NPAT: variants seen among roughly 807,000 people sequenced by gnomAD.
NPAT encodes the protein protein NPAT.
A neutral mutation model predicts 130.7 loss-of-function variants in NPAT; 52 were observed. That is an observed-to-expected ratio of 0.40 (90% CI 0.32 to 0.50). The LOEUF is 0.50. Ranked by LOEUF, NPAT falls within the 20% of genes least tolerant of loss-of-function variation. The pLI, the probability that NPAT is intolerant of heterozygous loss-of-function variation, is 0.68. For missense variants in NPAT, 1,687 were observed against 1,662.6 expected (o/e 1.01, Z -0.26); for synonymous variants, 580 against 584.8 (o/e 0.99, Z 0.12).
At chr11:108,160,739 T>C in intron 17 of NPAT, 141 bp downstream of exon 17, 2 of 735,528 alleles carry the variant, frequency 2.7e-6, no homozygotes, top group South Asian at 1.7e-5. Flanking sequence ...GTGATCATGG[T>C]TATGTATTTT....
intron 11 of NPAT, among the ~76,000 whole-genome samples, chr11:108,176,748 A>G (rs1164596474): frequency 6.6e-6 from 1 of 152,194 alleles, no homozygotes; most frequent in Non-Finnish European, 1.5e-5. Flanking sequence ...ACATCAACAC[A>G]TTCCCTGATG....
Position 108,161,753 on chromosome 11 carries a change from A to T in NPAT, c.3333T>A (p.Ser1111=). ...PNVSSTLKPP[S]NNAIKREKEK... is the part of the protein sequence containing the mutation. ...CTTTCTCTCTTTTGATAGCATTATT[A>T]GAAGGGGGTTTTAAGGTGGAGGACA... Residue 1111 remains serine, a synonymous_variant, in exon 17 of 18, where the codon TCT becomes TCA. Coordinates refer to ENST00000278612, the MANE Select transcript of NPAT (RefSeq NM_002519.3). 2 of 1,613,818 alleles carry T rather than the reference A, an allele frequency of 1.2e-6. No individual in the cohort carries two copies. The highest frequency in any genetic ancestry group is 1.7e-6 in the Non-Finnish European group (2 of 1,180,032).
At chr11:108,220,890 C>A (rs2078481168) in intron 1 of NPAT, among the ~76,000 whole-genome samples, 1 of 152,032 alleles carries the variant, frequency 6.6e-6, no homozygotes, top group Admixed American at 6.6e-5. Flanking sequence ...TGACAGAAGT[C>A]CAAAAGAGAA....
rs181107926 is a variant in NPAT, at chr11:108,212,306, T to C, written c.37+10194A>G. 5.7e-4 allele frequency among the ~76,000 whole-genome samples: 86 copies of C among 151,554 alleles called. 1 individual carries two copies. The East Asian group carries it at 0.014, about 25-fold the overall frequency. ...TTGGGAGGCCGAGCTGGGCGGATCATTTGAGGTCAGGAGTTCCAGACCAGC... is the reference window on the plus strand; with the variant it reads ...TTGGGAGGCCGAGCTGGGCGGATCACTTGAGGTCAGGAGTTCCAGACCAGC... On this transcript the variant is annotated intron_variant, in intron 1 of 17. Transcript: ENST00000278612.
intron 12 of NPAT, among the ~76,000 whole-genome samples, chr11:108,174,707 C>T (rs186342447): frequency 6.3e-4 from 96 of 151,552 alleles, no homozygotes; most frequent in Non-Finnish European, 8.7e-4. Context: ...CTCTGCCTCC[C>T]GGGTTCATGT....
intron 3 of NPAT, among the ~76,000 whole-genome samples, chr11:108,193,670 A>G (rs993703818): frequency 2.0e-5 from 3 of 152,164 alleles, no homozygotes; most frequent in African/African-American, 7.2e-5. Context: ...GGTTGCAGTG[A>G]GCTGAGATTA....
intron 1 of NPAT, among the ~76,000 whole-genome samples, chr11:108,219,139 C>T (rs1344844619): frequency 2.0e-5 from 3 of 152,134 alleles, no homozygotes; most frequent in East Asian, 1.9e-4. Context: ...GCTCTTCTGT[C>T]GGCCTGCTAC....
intron 1 of NPAT, chr11:108,208,694 A>T: frequency 3.6e-6 from 1 of 275,524 alleles, no homozygotes; most frequent in Non-Finnish European, 7.2e-6. Flanking sequence ...AGAAACAGAT[A>T]ATTCAACAAT....
Position 108,173,100 on chromosome 11 carries a change from C to A in NPAT, c.1884G>T (p.Ser628=). ...TAGATGGTTGTTTAGTAGAAGACAG[C>A]GAATCTCCAAGATGAATTTCTACTT... ...SGQVEIHLGD[S]LSSTKQPSND... The change falls in exon 13 of 18, where the codon TCG becomes TCT. Residue 628 remains serine (S), a synonymous_variant. Coordinates refer to ENST00000278612, the MANE Select transcript of NPAT (RefSeq NM_002519.3). 6.2e-7 allele frequency: 1 copy of A among 1,613,946 alleles called. No individual in the cohort carries two copies. The highest frequency in any genetic ancestry group is 8.5e-7 in the Non-Finnish European group (1 of 1,179,962).
At chr11:108,186,418 G>C in intron 8 of NPAT, 64 bp downstream of exon 8, 1 of 1,172,754 alleles carries the variant, frequency 8.5e-7, no homozygotes. Context: ...ATACATTTGT[G>C]TATATATCTG....
intron 13 of NPAT, among the ~76,000 whole-genome samples, chr11:108,170,805 G>C (rs1483021879): frequency 6.6e-6 from 1 of 152,074 alleles, no homozygotes; most frequent in Non-Finnish European, 1.5e-5. Flanking sequence ...CATTCTTTAA[G>C]CTTTAGCTCA....
rs182764040 is a variant in NPAT at position 108,158,134 on chromosome 11, T to C, written c.*808A>G. 3.3e-5 allele frequency: 5 copies of C among 152,636 alleles called. No homozygotes were observed. In the East Asian group the frequency reaches 9.6e-4, roughly 29 times the overall value. 9.5% of individuals were successfully genotyped at this position (152,636 alleles called of 1,614,324 possible). On this transcript the variant is annotated 3_prime_UTR_variant, in exon 18 of 18. Coordinates refer to ENST00000278612, the MANE Select transcript of NPAT (RefSeq NM_002519.3). ...AGTTCTATGAATTAGTGCAATTCTT[T>C]AAATCCCCAGCATTTAGGGGAAAAG...
chr11:108,173,805 A>C lies in NPAT; in HGVS notation c.1179T>G (p.Asp393Glu), dbSNP rs2077979278. 1 of 1,614,068 alleles carries C rather than the reference A, an allele frequency of 6.2e-7. No individual in the cohort carries two copies. The highest frequency in any genetic ancestry group is 1.1e-5 in the South Asian group (1 of 91,090). The change falls in exon 13 of 18, where the codon GAT (aspartate) becomes GAG (glutamate). Residue 393 changes from aspartate to glutamate, a missense_variant. Around this residue, in one of 3 missense-constraint regions of NPAT, gnomAD observed 1,379 missense variants for 1,346.6 expected, o/e 1.02. Transcript: ENST00000278612. ...QPAFCTSYQN[D>E]DPLNALKNSN... The stretch of plus-strand genomic sequence containing the variant: ...TATTCTTCAAAGCATTTAATGGGTC[A>C]TCATTCTGATAGGATGTACAAAAAG...
rs372481541 is a variant in NPAT at position 108,161,012 on chromosome 11, C to T, written c.4074G>A (p.Gln1358=). 67 of 1,614,122 alleles carry T rather than the reference C, an allele frequency of 4.2e-5. No individual in the cohort carries two copies. The African/African-American group carries it at 7.5e-4, about 18-fold the overall frequency. The change falls in exon 17 of 18, where the codon CAG becomes CAA. Residue 1358 remains glutamine (Q), a synonymous_variant. Coordinates refer to ENST00000278612, the MANE Select transcript of NPAT (RefSeq NM_002519.3). ...TGGTGCTCCTTGAAGATGCTCTAAA[C>T]TGTTGTGTGTTATCTTTCAGAGGAG... ...SATPLKDNTQ[Q]FRASSRSTTK... is the part of the protein sequence containing the mutation.
intron 10 of NPAT, among the ~76,000 whole-genome samples, chr11:108,179,030 T>C (rs1443750720): frequency 6.6e-6 from 1 of 152,154 alleles, no homozygotes; most frequent in Non-Finnish European, 1.5e-5. Flanking sequence ...GGCAAACATG[T>C]AGACCAATAA....
chr11:108,218,771 T>A lies in NPAT; in HGVS notation c.37+3729A>T, dbSNP rs561180197. On this transcript the variant is annotated intron_variant, in intron 1 of 17. Transcript: ENST00000278612. ...CAAAGAAGCTGACAGAAAGTATATA[T>A]GCAATCATATTTGGGGAACATGTCC... Among the ~76,000 whole-genome samples the A allele has an allele frequency of 4.6e-5, 7 of 152,316 alleles. No homozygotes were observed. The South Asian group carries it at 1.4e-3, about 32-fold the overall frequency.
intron 1 of NPAT, among the ~76,000 whole-genome samples, chr11:108,220,967 GA>G (rs2078483233): frequency 6.6e-6 from 1 of 152,210 alleles, no homozygotes; most frequent in Admixed American, 6.5e-5. Flanking sequence ...AGATTTTTAA[GA>G]TAAGAAAACC....
intron 1 of NPAT, 106 bp downstream of exon 1, chr11:108,222,394 G>A (rs975125373): frequency 2.4e-6 from 3 of 1,228,114 alleles, no homozygotes; most frequent in South Asian, 1.3e-5. Context: ...TAAGCTGGGA[G>A]GCAAAACCCC....
At chr11:108,180,490 A>T (rs1170621723) in intron 10 of NPAT, among the ~76,000 whole-genome samples, 2 of 152,150 alleles carry the variant, frequency 1.3e-5, no homozygotes, top group East Asian at 3.8e-4. Context: ...GCAAATCAAA[A>T]GCACAGTGAG....
Sources: allele counts gnomAD v4.1 joint callset (sites outside exome capture counted in the v4.1 genomes callset), GRCh38; gene constraint gnomAD v4.1.1; regional missense constraint gnomAD v4.1.1; transcripts MANE v1.5; gene names NCBI Gene and HGNC (gene_info 2026-07-23, HGNC 2026-07-21).